Variants in PDCL3 observed in about 807,000 individuals in gnomAD.
PDCL3 encodes the protein phosducin like 3.
PDCL3 carries 22 observed loss-of-function variants against 26.5 expected under a neutral mutation model. The observed-to-expected ratio is 0.83, with a 90% CI of 0.59 to 1.19. The LOEUF (loss-of-function observed/expected upper bound fraction) is 1.19, where lower values mean the gene tolerates loss of function less well. Ranked by LOEUF, PDCL3 falls within the 50% of genes most tolerant of loss-of-function variation. The pLI is 0.00. For missense variants in PDCL3, 246 were observed against 294.1 expected, an observed-to-expected ratio of 0.84 and a Z score of 1.20; for synonymous variants, 81 against 104.9, an observed-to-expected ratio of 0.77 and a Z score of 1.39.
intron 1 of PDCL3, 128 bp from the exon 2 acceptor site, chr2:100,566,375 C>A: frequency 8.1e-7 from 1 of 1,236,970 alleles, no homozygotes; most frequent in Non-Finnish European, 1.1e-6. Context: ...GACACTTTCT[C>A]AGAAATAGTT....
At position 100,576,451 on chromosome 2, in the gene PDCL3, G is replaced by A. The variant is rs777746722; in HGVS notation, c.675G>A (p.Arg225=). The change falls in exon 6 of 6, where the codon CGG becomes CGA. Residue 225 remains arginine, a synonymous_variant. Transcript: ENST00000264254. ...AAGACGTGTTGCTGTCCTCAGTGCGGCGCTCTGTCCTCATGAAGAGGGACA... is the reference window on the plus strand; with the variant it reads ...AAGACGTGTTGCTGTCCTCAGTGCGACGCTCTGTCCTCATGAAGAGGGACA... ...PIEDVLLSSV[R]RSVLMKRDSD... The A allele has an allele frequency of 1.2e-6, 2 of 1,613,846 alleles. No individual in the cohort carries two copies. Among genetic ancestry groups the A allele is most frequent in the South Asian group, 2.2e-5 (2 of 91,058 alleles).
chr2:100,563,143 A>T, intron 1 of PDCL3, 70 bp downstream of exon 1: 1 of 1,531,578 alleles, frequency 6.5e-7, no homozygotes, highest in Non-Finnish European at 8.8e-7. Flanking sequence ...CCGGGCGGGC[A>T]GTGGACGCCC....
At chr2:100,569,404 G>A (rs939318053) in intron 3 of PDCL3, among the ~76,000 whole-genome samples, 174 bp from the exon 4 acceptor site, 1 of 152,154 alleles carries the variant, frequency 6.6e-6, no homozygotes, top group Non-Finnish European at 1.5e-5. Flanking sequence ...ATTTTCAGCT[G>A]AAACATCTAG....
rs1573286176 is a variant in PDCL3 at position 100,576,672 on chromosome 2, T to C, written c.*176T>C. On this transcript the variant is annotated 3_prime_UTR_variant, in exon 6 of 6. Transcript: ENST00000264254. ...GATTCTGTTAAATATTTTGGAACTC[T>C]TTTTTTTTTTAAATTATAGTATTTC... is the stretch of plus-strand genomic sequence containing the variant. The C allele has an allele frequency of 5.1e-5, 1 of 19,668 alleles. No individual in the cohort carries two copies. The highest frequency in any genetic ancestry group is 6.0e-5 in the Non-Finnish European group (1 of 16,590). The allele number at this position is 19,668 out of a possible 1,614,324, so 1.2% of individuals were successfully genotyped here. A position where few individuals can be genotyped will look rare whatever the true frequency, so the allele number is the denominator to read the frequency against.
chr2:100,569,345 A>C lies in PDCL3; in HGVS notation c.225-233A>C, dbSNP rs116520773. 7.1e-3 allele frequency among the ~76,000 whole-genome samples: 1,088 copies of C among 152,314 alleles called. 4 individuals are homozygous for C. Among genetic ancestry groups the C allele is most frequent in the Middle Eastern group, 0.014 (4 of 294 alleles). On this transcript the variant is annotated intron_variant, in intron 3 of 5. Transcript: ENST00000264254. ...GCACTCCAGCCTGTGTGACAGAGCC[A>C]AACTCTGTCTCAAAAAATAAAATGA...
Position 100,576,567 on chromosome 2 carries a change from C to G in PDCL3, c.*71C>G. 1 of 1,406,308 alleles carries G rather than the reference C, an allele frequency of 7.1e-7. No homozygotes were observed. The highest frequency in any genetic ancestry group is 9.4e-7 in the Non-Finnish European group (1 of 1,067,718). 87.1% of individuals were successfully genotyped at this position (1,406,308 alleles called of 1,614,324 possible). On this transcript the variant is annotated 3_prime_UTR_variant, in exon 6 of 6. Transcript: ENST00000264254. ...CTGGATTTTTTAAAAAAGGAAAAAGCAAGAATGAATCCTTGTGGTTTTTAG... is the reference window on the plus strand; with the variant it reads ...CTGGATTTTTTAAAAAAGGAAAAAGGAAGAATGAATCCTTGTGGTTTTTAG...
At chr2:100,575,445 A>G (rs1279109995) in intron 5 of PDCL3, among the ~76,000 whole-genome samples, 4 of 152,152 alleles carry the variant, frequency 2.6e-5, no homozygotes, top group Non-Finnish European at 4.4e-5. Context: ...TGGTTTTCAG[A>G]TTTTAATCGA....
chr2:100,567,576 A>G (rs1419008959), intron 2 of PDCL3, among the ~76,000 whole-genome samples: 1 of 152,182 alleles, frequency 6.6e-6, no homozygotes, highest in African/African-American at 2.4e-5. Context: ...ACATTTGAAT[A>G]GACCTGAGGG....
chr2:100,569,145 C>T (rs1675117703), intron 3 of PDCL3, 124 bp downstream of exon 3: 1 of 774,226 alleles, frequency 1.3e-6, no homozygotes, highest in Admixed American at 2.7e-5. Context: ...AGTCCCAACA[C>T]TTTGGGAGGC....
At chr2:100,567,875 TG>T (rs1675087867) in intron 2 of PDCL3, among the ~76,000 whole-genome samples, 1 of 150,862 alleles carries the variant, frequency 6.6e-6, no homozygotes, top group Non-Finnish European at 1.5e-5. Flanking sequence ...CAGGCTGGAC[TG>T]CAGTGGCGCA....
At chr2:100,575,345 C>T (rs552220499) in intron 5 of PDCL3, among the ~76,000 whole-genome samples, 59 of 152,258 alleles carry the variant, frequency 3.9e-4, no homozygotes, top group African/African-American at 1.4e-3. Flanking sequence ...CCGTGTTAGC[C>T]AGGATGGTCT....
At chr2:100,572,275 G>A (rs1442776974) in intron 5 of PDCL3, among the ~76,000 whole-genome samples, 3 of 152,186 alleles carry the variant, frequency 2.0e-5, no homozygotes, top group Admixed American at 1.3e-4. Context: ...GCAATGGTAT[G>A]ATCTTGCCTC....
intron 2 of PDCL3, 70 bp downstream of exon 2, chr2:100,566,699 G>A: frequency 1.3e-6 from 2 of 1,586,102 alleles, no homozygotes; most frequent in Non-Finnish European, 1.7e-6. Context: ...TGACTGCCCT[G>A]CCAGGAGACA....
At chr2:100,564,309 C>G (rs1294647621) in intron 1 of PDCL3, among the ~76,000 whole-genome samples, 5 of 127,382 alleles carry the variant, frequency 3.9e-5, no homozygotes, top group Non-Finnish European at 6.5e-5. Context: ...TTGTTTGTTT[C>G]TTTTTGAGAC....
chr2:100,576,311 C>T, intron 5 of PDCL3, 43 bp from the exon 6 acceptor site: 1 of 1,600,370 alleles, frequency 6.2e-7, no homozygotes, highest in Middle Eastern at 1.7e-4. Flanking sequence ...GGAACCTTTG[C>T]AGCACAGTGC....
intron 3 of PDCL3, 90 bp downstream of exon 3, chr2:100,569,111 C>G: frequency 8.9e-7 from 1 of 1,129,842 alleles, no homozygotes; most frequent in Non-Finnish European, 1.3e-6. Flanking sequence ...AATGTGTGGG[C>G]TGAGCATGGT....
intron 1 of PDCL3, among the ~76,000 whole-genome samples, chr2:100,564,794 TCTTTGTGACAATGATC>T (rs1269672351): frequency 6.6e-6 from 1 of 152,166 alleles, no homozygotes; most frequent in Non-Finnish European, 1.5e-5. Flanking sequence ...TTTACATCAG[TCTTTGTGACAATGATC>T]CTTTGTGATT....
At chr2:100,566,086 G>T (rs1558695814) in intron 1 of PDCL3, among the ~76,000 whole-genome samples, 1 of 152,020 alleles carries the variant, frequency 6.6e-6, no homozygotes. Context: ...TGTATTTTCA[G>T]TAGAGACGGG....
chr2:100,566,836 C>T (rs773312466), intron 2 of PDCL3, among the ~76,000 whole-genome samples: 1 of 152,206 alleles, frequency 6.6e-6, no homozygotes, highest in Non-Finnish European at 1.5e-5. Context: ...AGTCCTTGTC[C>T]ATGTCACATG....
Sources: gnomAD v4.1 joint callset for allele counts (sites outside exome capture counted in the v4.1 genomes callset) on GRCh38, gnomAD v4.1.1 for gene constraint, MANE v1.5 for transcripts, NCBI Gene and HGNC (gene_info 2026-07-23, HGNC 2026-07-21) for gene names.